HGD: variants seen among roughly 807,000 people sequenced by gnomAD.
The protein encoded by HGD is homogentisate oxidase.
Under a neutral mutation model 60.8 loss-of-function variants are expected in HGD, and 61 were observed. The observed-to-expected ratio is 1.00, with a 90% CI of 0.82 to 1.24. The LOEUF (loss-of-function observed/expected upper bound fraction) is 1.24, where lower values mean the gene tolerates loss of function less well. Among genes scored for constraint, HGD ranks in the 50% most tolerant of loss-of-function variants. The probability of loss-of-function intolerance (pLI) is 0.00; values close to 1 mark genes in which losing one functional copy is unlikely to be tolerated. For missense variants in HGD, 542 were observed against 547.1 expected (o/e 0.99, Z 0.09); for synonymous variants, 212 against 187.7 (o/e 1.13, Z -1.06).
intron 4 of HGD, among the ~76,000 whole-genome samples, chr3:120,664,890 A>G (rs1707864642): frequency 6.6e-6 from 1 of 152,246 alleles, no homozygotes; most frequent in Admixed American, 6.5e-5. Flanking sequence ...ACTTTAATGT[A>G]AGTTTTAAAT....
chr3:120,641,502 T>C (rs1366227662), intron 11 of HGD, 87 bp downstream of exon 11: 3 of 845,080 alleles, frequency 3.5e-6, no homozygotes, highest in African/African-American at 3.3e-5. Flanking sequence ...TTGGAAATGT[T>C]AGATCTGTAA....
Position 120,674,973 on chromosome 3 carries a change from C to T in HGD, c.104G>A (p.Cys35Tyr). The change falls in exon 3 of 14, where the codon TGC becomes TAC. Residue 35 changes from cysteine to tyrosine, a missense_variant. Physicochemically the swap from Cys to Tyr is radical, Grantham distance 194. Coordinates refer to ENST00000283871, the MANE Select transcript of HGD (RefSeq NM_000187.4). ...CTGCTCAGCATAGAGATTGTAGGGGCAGACCTGAGGATTATTCTGAAACAA... is the reference window on the plus strand; with the variant it reads ...CTGCTCAGCATAGAGATTGTAGGGGTAGACCTGAGGATTATTCTGAAACAA... ...LPEGQNNPQV[C>Y]PYNLYAEQLS... The T allele has an allele frequency of 6.2e-7, 1 of 1,610,448 alleles. No homozygotes were observed. Among genetic ancestry groups the T allele is most frequent in the Non-Finnish European group, 8.5e-7 (1 of 1,176,996 alleles).
intron 6 of HGD, among the ~76,000 whole-genome samples, chr3:120,649,505 A>T (rs944737201): frequency 2.6e-5 from 4 of 152,088 alleles, no homozygotes; most frequent in Non-Finnish European, 5.9e-5. Context: ...TTTGGTTTCC[A>T]GTTTGGAGGT....
At chr3:120,638,730 T>G in intron 11 of HGD, 149 bp from the exon 12 acceptor site, 4 of 880,480 alleles carry the variant, frequency 4.5e-6, no homozygotes, top group Non-Finnish European at 7.0e-6. Flanking sequence ...GATAGAGGGA[T>G]ACATATGCAG....
intron 9 of HGD, among the ~76,000 whole-genome samples, chr3:120,645,591 G>A (rs1941132380): frequency 6.6e-6 from 1 of 152,174 alleles, no homozygotes; most frequent in South Asian, 2.1e-4. Flanking sequence ...CTCCTGGGGT[G>A]TGGTTTCTAG....
At chr3:120,657,412 C>T (rs1356962539) in intron 4 of HGD, among the ~76,000 whole-genome samples, 7 of 152,032 alleles carry the variant, frequency 4.6e-5, no homozygotes, top group African/African-American at 1.7e-4. Context: ...CTAGATGATC[C>T]AAGTATCCCT....
intron 1 of HGD, among the ~76,000 whole-genome samples, chr3:120,681,896 C>T (rs1708236764): frequency 6.6e-6 from 1 of 152,208 alleles, no homozygotes. Flanking sequence ...CCAATAAGAG[C>T]TTCATTTCTT....
At position 120,628,488 on chromosome 3, in the gene HGD, C is replaced by A. The variant is rs770278846; in HGVS notation, c.1230G>T (p.Lys410Asn). The A allele has an allele frequency of 6.2e-7, 1 of 1,614,070 alleles. No individual in the cohort carries two copies. Among genetic ancestry groups the A allele is most frequent in the South Asian group, 1.1e-5 (1 of 91,076 alleles). The change falls in exon 14 of 14, where the codon AAG becomes AAT. Residue 410 changes from lysine (K) to asparagine (N), a missense_variant. Around this residue, in one of 2 missense-constraint regions of HGD, gnomAD observed 537 missense variants for 529.1 expected, o/e 1.01. Coordinates refer to ENST00000283871, the MANE Select transcript of HGD (RefSeq NM_000187.4). ...AACACCTGGAGGCCTTGAGTCCCCA[C>A]TTTGTGACCGCCAGACTTAAAGATG... ...FESSLSLAVT[K>N]WGLKASRCLD...
intron 12 of HGD, among the ~76,000 whole-genome samples, chr3:120,637,282 C>T (rs1940814030): frequency 1.4e-5 from 2 of 147,792 alleles, no homozygotes; most frequent in Non-Finnish European, 3.0e-5. Context: ...GTTACTTAAT[C>T]CCTCTTGTGT....
intron 12 of HGD, among the ~76,000 whole-genome samples, chr3:120,634,215 T>C (rs1290076970): frequency 1.3e-5 from 2 of 152,196 alleles, no homozygotes; most frequent in African/African-American, 2.4e-5. Flanking sequence ...AAAGTTCTTA[T>C]ATTAAATGGA....
At chr3:120,638,395 C>T (rs1429969463) in intron 12 of HGD, 60 bp downstream of exon 12, 31 of 1,601,854 alleles carry the variant, frequency 1.9e-5, no homozygotes, top group South Asian at 9.9e-5. Flanking sequence ...CAATGTGTAG[C>T]GCTCACTGCT....
At chr3:120,671,791 G>A (rs1158106165) in intron 3 of HGD, among the ~76,000 whole-genome samples, 1 of 152,180 alleles carries the variant, frequency 6.6e-6, no homozygotes, top group Non-Finnish European at 1.5e-5. Flanking sequence ...TATACACCAT[G>A]GAATACTATG....
intron 11 of HGD, 44 bp downstream of exon 11, chr3:120,641,545 C>T (rs762913131): frequency 8.1e-7 from 1 of 1,228,470 alleles, no homozygotes; most frequent in African/African-American, 1.5e-5. Flanking sequence ...CCCTCCCACC[C>T]AAGCGTTGCC....
At chr3:120,650,190 A>G (rs1383424758) in intron 6 of HGD, among the ~76,000 whole-genome samples, 2 of 152,220 alleles carry the variant, frequency 1.3e-5, no homozygotes, top group Non-Finnish European at 2.9e-5. Flanking sequence ...AGAGTTTCTA[A>G]GTTCTCTATT....
At chr3:120,634,455 C>T (rs907774497) in intron 12 of HGD, among the ~76,000 whole-genome samples, 3 of 152,148 alleles carry the variant, frequency 2.0e-5, no homozygotes, top group Admixed American at 2.0e-4. Flanking sequence ...CCCATTCATT[C>T]ATCTGTCTTT....
rs2107522179 is a variant in HGD, at chr3:120,652,652, C to T, written c.283-1G>A. On this transcript the variant is annotated splice_acceptor_variant, in intron 4 of 13. Coordinates refer to ENST00000283871, the MANE Select transcript of HGD (RefSeq NM_000187.4). LOFTEE classifies it high-confidence loss of function. Reference sequence around the variant, plus strand: ...GAATCTCAAATGGTTTCCATCTAAGCTGGAAAAAAAATACACATACAGAAA... The same window carrying T: ...GAATCTCAAATGGTTTCCATCTAAGTTGGAAAAAAAATACACATACAGAAA... 3.1e-6 allele frequency: 5 copies of T among 1,610,158 alleles called. No individual in the cohort carries two copies. Among genetic ancestry groups the T allele is most frequent in the Non-Finnish European group, 4.2e-6 (5 of 1,176,814 alleles).
intron 4 of HGD, among the ~76,000 whole-genome samples, chr3:120,654,551 T>C (rs1050470235): frequency 6.6e-5 from 10 of 152,314 alleles, no homozygotes; most frequent in African/African-American, 2.4e-4. Flanking sequence ...AATTCTGGCA[T>C]CTTGGGCCAT....
intron 3 of HGD, among the ~76,000 whole-genome samples, chr3:120,674,206 A>G (rs569079780): frequency 1.3e-5 from 2 of 152,322 alleles, no homozygotes; most frequent in South Asian, 4.1e-4. Context: ...TTATAATTAG[A>G]CACTATTTGT....
chr3:120,652,167 T>C (rs956575352), intron 5 of HGD, among the ~76,000 whole-genome samples: 1 of 152,096 alleles, frequency 6.6e-6, no homozygotes, highest in Non-Finnish European at 1.5e-5. Context: ...ATAAACCAAA[T>C]CAAATTTGTT....
Sources: allele counts gnomAD v4.1 joint callset (sites outside exome capture counted in the v4.1 genomes callset), GRCh38; gene constraint gnomAD v4.1.1; regional missense constraint gnomAD v4.1.1; transcripts MANE v1.5; gene names NCBI Gene and HGNC (gene_info 2026-07-23, HGNC 2026-07-21).